FXR2: variants seen among roughly 807,000 people sequenced by gnomAD.
FXR2 encodes the protein FMR1 autosomal homolog 2, also known as RNA-binding protein FXR2.
FXR2 carries 9 observed loss-of-function variants against 87.3 expected under a neutral mutation model. The ratio of observed to expected loss-of-function variants is 0.10; its 90% confidence interval spans 0.06 to 0.18. The LOEUF is 0.18. Ranked by LOEUF, FXR2 falls within the 10% of genes least tolerant of loss-of-function variation. The probability of loss-of-function intolerance (pLI) is 1.00; values close to 1 mark genes in which losing one functional copy is unlikely to be tolerated. For missense variants in FXR2, 661 were observed against 893.6 expected (o/e 0.74, Z 3.32); for synonymous variants, 331 against 328.3 (o/e 1.01, Z -0.09).
intron 1 of FXR2, 192 bp downstream of exon 1, chr17:7,614,260 A>C: frequency 1.5e-6 from 1 of 679,138 alleles, no homozygotes. Context: ...CAGGTGCCTT[A>C]GAGGGGTCAA....
Position 7,591,721 on chromosome 17 carries a change from C to T in FXR2, c.*109G>A. ...GGGTACCCAAGCTGCTGTGCCACCC[C>T]CCTCCCCCCTAGATAAGAGCAGCTC... On this transcript the variant is annotated 3_prime_UTR_variant, in exon 17 of 17. Coordinates refer to ENST00000250113, the MANE Select transcript of FXR2 (RefSeq NM_004860.4). This position sits in a 1 kb window ranked among gnomAD's most constrained non-coding sequence, Gnocchi z 4.0. The T allele has an allele frequency of 1.4e-6, 1 of 736,722 alleles. No homozygotes were observed. 45.6% of individuals were successfully genotyped at this position (736,722 alleles called of 1,614,324 possible). A position where few individuals can be genotyped will look rare whatever the true frequency, so the allele number is the denominator to read the frequency against.
chr17:7,604,153 G>C, intron 3 of FXR2, 73 bp from the exon 4 acceptor site: 1 of 1,104,666 alleles, frequency 9.1e-7, no homozygotes, highest in Non-Finnish European at 1.4e-6. Flanking sequence ...GAGGAGGCCG[G>C]GCATGGTGGG....
Position 7,594,094 on chromosome 17 carries a change from G to C in FXR2, c.1021-90C>G. On this transcript the variant is annotated intron_variant, in intron 10 of 16. Coordinates refer to ENST00000250113, the MANE Select transcript of FXR2 (RefSeq NM_004860.4). This position sits in a 1 kb window ranked among gnomAD's most constrained non-coding sequence, Gnocchi z 5.1. ...CCAGTCTCCTAGGGGAGCCTGCCCA[G>C]TGGGATCATTCTGGGCTCTAAATCT... 1.0e-6 allele frequency: 1 copy of C among 968,260 alleles called. No homozygotes were observed. Among genetic ancestry groups the C allele is most frequent in the Non-Finnish European group, 1.7e-6 (1 of 597,684 alleles). The allele number at this position is 968,260 out of a possible 1,614,324, so 60.0% of individuals were successfully genotyped here.
chr17:7,596,033 A>T (rs757561696), intron 7 of FXR2, 39 bp from the exon 8 acceptor site: 2 of 1,513,826 alleles, frequency 1.3e-6, no homozygotes, highest in South Asian at 2.3e-5. Context: ...TGGTGGTAGA[A>T]TCTCACAGTC....
At chr17:7,605,019 A>G (rs1490233643) in intron 3 of FXR2, among the ~76,000 whole-genome samples, 1 of 151,970 alleles carries the variant, frequency 6.6e-6, no homozygotes, top group African/African-American at 2.4e-5. Flanking sequence ...CACTGCATCC[A>G]GCCTGGGATG....
At chr17:7,597,207 A>G (rs1010759921) in intron 7 of FXR2, among the ~76,000 whole-genome samples, 2 of 152,208 alleles carry the variant, frequency 1.3e-5, no homozygotes, top group African/African-American at 4.8e-5. Flanking sequence ...CAGGGGCAGG[A>G]AGACAGGAAA....
Position 7,593,840 on chromosome 17 carries a change from C to A in FXR2, c.1107+78G>T. On this transcript the variant is annotated intron_variant, in intron 11 of 16. Coordinates refer to ENST00000250113, the MANE Select transcript of FXR2 (RefSeq NM_004860.4). This position sits in a 1 kb window ranked among gnomAD's most constrained non-coding sequence, Gnocchi z 6.1. Reference sequence around the variant, plus strand: ...CTACACGGAGAGACAAACAGAGAACCAAAATCCCTGAGCTGACCCCCACAG... The same window carrying A: ...CTACACGGAGAGACAAACAGAGAACAAAAATCCCTGAGCTGACCCCCACAG... 9.8e-7 allele frequency: 1 copy of A among 1,016,608 alleles called. No individual in the cohort carries two copies. The highest frequency in any genetic ancestry group is 2.4e-5 in the East Asian group (1 of 41,782). 63.0% of individuals were successfully genotyped at this position (1,016,608 alleles called of 1,614,324 possible).
chr17:7,607,937 C>G (rs2071816710), intron 1 of FXR2, among the ~76,000 whole-genome samples: 2 of 151,920 alleles, frequency 1.3e-5, no homozygotes, highest in South Asian at 2.1e-4. Context: ...GGATTACAGG[C>G]ATGGGCCACG....
In FXR2 at chr17:7,601,500, C is replaced by T. The variant is rs2071755278; in HGVS notation, c.569G>A (p.Arg190Gln). The T allele has an allele frequency of 1.2e-6, 2 of 1,611,676 alleles. No individual in the cohort carries two copies. The highest frequency in any genetic ancestry group is 1.7e-4 in the Middle Eastern group (1 of 5,878). Residue 190 changes from arginine (R) to glutamine (Q), a missense_variant, in exon 7 of 17, where the codon CGA becomes CAA. Arg to Gln is a conservative substitution (Grantham distance 43). Transcript: ENST00000250113. The part of the protein sequence containing the change: ...ILSTTEAPVK[R>Q]ASLLGDMHFR... ...ATGCATATCACCCAGCAGAGATGCT[C>T]GCTTCACAGGGGCTTCTGTGGTTGA... is the stretch of plus-strand genomic sequence containing the variant.
At chr17:7,603,195 A>T (rs1398864900) in intron 5 of FXR2, among the ~76,000 whole-genome samples, 193 bp from the exon 6 acceptor site, 1 of 151,954 alleles carries the variant, frequency 6.6e-6, no homozygotes, top group African/African-American at 2.4e-5. Context: ...AAAAAAAAAA[A>T]AAAAAATTCA....
Position 7,594,274 on chromosome 17 carries a change from C to T in FXR2, c.984G>A (p.Val328=). 1 of 1,611,244 alleles carries T rather than the reference C, an allele frequency of 6.2e-7. No individual in the cohort carries two copies. Among genetic ancestry groups the T allele is most frequent in the Non-Finnish European group, 8.5e-7 (1 of 1,177,400 alleles). ...GGTTCTTCTTGTCATTATCACCTTC[C>T]ACTCGAACCCTCACCACACCAGATT... is the stretch of plus-strand genomic sequence containing the variant. ...VDKSGVVRVR[V]EGDNDKKNPR... Residue 328 remains valine, a synonymous_variant, in exon 10 of 17, where the codon GTG becomes GTA. Transcript: ENST00000250113. This position sits in a 1 kb window ranked among gnomAD's most constrained non-coding sequence, Gnocchi z 5.1.
In FXR2 at chr17:7,606,059, G is replaced by T. The variant is rs1021306614; in HGVS notation, c.134+38C>A. The T allele has an allele frequency of 3.0e-6, 4 of 1,338,330 alleles. No homozygotes were observed. The South Asian group carries it at 3.8e-5, about 13-fold the overall frequency. The allele number at this position is 1,338,330 out of a possible 1,614,324, so 82.9% of individuals were successfully genotyped here. On this transcript the variant is annotated intron_variant, in intron 2 of 16. Transcript: ENST00000250113. The stretch of plus-strand genomic sequence containing the variant: ...CCCCTCTTCTCCACTCTCCTTCTAG[G>T]ACCTAGTATGCTGGATTCTCTATTC...
At position 7,592,474 on chromosome 17, in the gene FXR2, G is replaced by T. The variant is rs769201679; in HGVS notation, c.1825+30C>A. ...AGCATCCCATTCTCTCAGCTCTGAG[G>T]AAGGATTCTGGTGTCCAGAGTTGGC... On this transcript the variant is annotated intron_variant, in intron 15 of 16. Transcript: ENST00000250113. The surrounding 1 kb of genome is among the most constrained non-coding windows in gnomAD (Gnocchi z 4.8). 1.4e-5 allele frequency: 23 copies of T among 1,598,788 alleles called. No individual in the cohort carries two copies. The African/African-American group carries it at 3.1e-4, about 21-fold the overall frequency.
At chr17:7,611,527 G>C (rs1447966969) in intron 1 of FXR2, among the ~76,000 whole-genome samples, 1 of 152,110 alleles carries the variant, frequency 6.6e-6, no homozygotes, top group African/African-American at 2.4e-5. Context: ...AATTAGCCAG[G>C]CATGGTGTTG....
At chr17:7,612,991 C>A (rs1295071721) in intron 1 of FXR2, among the ~76,000 whole-genome samples, 8 of 86,054 alleles carry the variant, frequency 9.3e-5, no homozygotes, top group African/African-American at 2.7e-4. Flanking sequence ...GGCGAGACTC[C>A]ATCTCAAAAA....
At chr17:7,606,231 C>A (rs542397778) in intron 1 of FXR2, 82 bp from the exon 2 acceptor site, 1 of 895,422 alleles carries the variant, frequency 1.1e-6, no homozygotes, top group East Asian at 2.6e-5. Context: ...TAAGACACCA[C>A]AAAACCTTAA....
intron 6 of FXR2, among the ~76,000 whole-genome samples, chr17:7,602,458 C>T (rs2150944384): frequency 6.6e-6 from 1 of 152,212 alleles, no homozygotes; most frequent in South Asian, 2.1e-4. Flanking sequence ...ATCCCAGCTA[C>T]TCGGGAGGCT....
At chr17:7,601,165 C>A (rs189230279) in intron 7 of FXR2, among the ~76,000 whole-genome samples, 2 of 144,566 alleles carry the variant, frequency 1.4e-5, no homozygotes, top group South Asian at 2.2e-4. Flanking sequence ...GGCGACACAG[C>A]GAGACTCTGT....
In FXR2 at chr17:7,592,761, A is replaced by G. The variant is rs375725074; in HGVS notation, c.1662T>C (p.Asp554=). ...RRRRSRRRRT[D]EDRTVMDGGL... ...CTCCATCCATGACGGTCCTGTCTTC[A>G]TCAGTGCGGCGGCGGCGGGAGCGGC... is the stretch of plus-strand genomic sequence containing the variant. Residue 554 remains aspartate (D), a synonymous_variant, in exon 14 of 17, where the codon GAT becomes GAC. Transcript: ENST00000250113. The surrounding 1 kb of genome is among the most constrained non-coding windows in gnomAD (Gnocchi z 4.8). 5.6e-6 allele frequency: 9 copies of G among 1,613,612 alleles called. No homozygotes were observed. The highest frequency in any genetic ancestry group is 2.7e-5 in the African/African-American group (2 of 74,824).
Sources: gnomAD v4.1 joint callset for allele counts (sites outside exome capture counted in the v4.1 genomes callset) on GRCh38, gnomAD v4.1.1 for gene constraint, Gnocchi (gnomAD v3.1) non-coding constraint, MANE v1.5 for transcripts, NCBI Gene and HGNC (gene_info 2026-07-23, HGNC 2026-07-21) for gene names.